PARP8: variants seen among roughly 807,000 people sequenced by gnomAD.
PARP8 encodes the protein protein mono-ADP-ribosyltransferase PARP8.
A neutral mutation model predicts 124.1 loss-of-function variants in PARP8; 51 were observed. That is an observed-to-expected ratio of 0.41 (90% confidence interval 0.33 to 0.52). The LOEUF (loss-of-function observed/expected upper bound fraction) is 0.52, where lower values mean the gene tolerates loss of function less well. PARP8 is among the 20% of genes least tolerant of loss of function. The pLI is 0.21. For synonymous variants in PARP8, 391 were observed against 361.5 expected, an observed-to-expected ratio of 1.08 and a Z score of -0.93; for missense variants, 860 against 1,018.9, an observed-to-expected ratio of 0.84 and a Z score of 2.12.
intron 2 of PARP8, among the ~76,000 whole-genome samples, chr5:50,672,378 C>G (rs1750131258): frequency 1.3e-5 from 2 of 152,138 alleles, no homozygotes; most frequent in Admixed American, 1.3e-4. Context: ...GAATGACTTA[C>G]AAAATGAATG....
chr5:50,754,116 CATATATATATATATATAT>C (rs373375463), intron 3 of PARP8, among the ~76,000 whole-genome samples: 19 of 64,724 alleles, frequency 2.9e-4, no homozygotes, highest in Middle Eastern at 6.8e-3. Flanking sequence ...TGAAAACATT[CATATATATATATATATAT>C]ATATATATAT....
In PARP8 at chr5:50,827,976, CCTT is replaced by C; in HGVS notation, c.2016_2018del (p.Leu673del). ...AGTTTATGCATACTCCACATCAGTT[CCTT>C]CTTCTCAGCAGTCCACCAGCCAAAG... On this transcript the variant is annotated inframe_deletion, in exon 20 of 26. Transcript: ENST00000281631. 1.9e-6 allele frequency: 3 copies of C among 1,613,636 alleles called. No individual in the cohort carries two copies. The highest frequency in any genetic ancestry group is 2.5e-6 in the Non-Finnish European group (3 of 1,179,646).
intron 7 of PARP8, among the ~76,000 whole-genome samples, chr5:50,766,816 A>G (rs1444491848): frequency 1.3e-5 from 2 of 152,200 alleles, no homozygotes; most frequent in Non-Finnish European, 2.9e-5. Flanking sequence ...AGGAACGTAT[A>G]TCACGTTACT....
chr5:50,797,070 A>C (rs1208622229), intron 13 of PARP8, 38 bp downstream of exon 13: 2 of 1,610,458 alleles, frequency 1.2e-6, no homozygotes, highest in African/African-American at 1.3e-5. Flanking sequence ...CAAATATTTT[A>C]GTTCTTACGG....
chr5:50,674,645 A>G (rs1383386619), intron 2 of PARP8, among the ~76,000 whole-genome samples: 5 of 152,260 alleles, frequency 3.3e-5, no homozygotes, highest in African/African-American at 1.2e-4. Context: ...CTATCCACTG[A>G]TACATGTTTC....
At chr5:50,752,981 T>C (rs1394906561) in intron 3 of PARP8, among the ~76,000 whole-genome samples, 3 of 152,066 alleles carry the variant, frequency 2.0e-5, no homozygotes, top group African/African-American at 7.2e-5. Flanking sequence ...AATGAAAATT[T>C]AGAGGGCCTT....
chr5:50,677,869 A>G (rs1416344190), intron 2 of PARP8, among the ~76,000 whole-genome samples: 6 of 152,046 alleles, frequency 3.9e-5, no homozygotes, highest in Non-Finnish European at 7.4e-5. Context: ...TTTCAAAGGT[A>G]TCTTTCTGAA....
chr5:50,792,160 A>G (rs1742033009), intron 10 of PARP8, among the ~76,000 whole-genome samples: 1 of 152,166 alleles, frequency 6.6e-6, no homozygotes, highest in Non-Finnish European at 1.5e-5. Context: ...ACCATCAGCC[A>G]ATCACTGGCA....
At chr5:50,792,438 A>G (rs1363981215) in intron 10 of PARP8, among the ~76,000 whole-genome samples, 1 of 151,888 alleles carries the variant, frequency 6.6e-6, no homozygotes, top group Non-Finnish European at 1.5e-5. Flanking sequence ...TTGAATCCTA[A>G]TGTAATATAT....
chr5:50,705,228 G>C (rs930325043), intron 2 of PARP8, among the ~76,000 whole-genome samples: 24 of 152,264 alleles, frequency 1.6e-4, no homozygotes, highest in African/African-American at 5.8e-4. Context: ...ACATGTTAAT[G>C]CTTTTTGGTC....
At chr5:50,675,449 C>T (rs1209830579) in intron 2 of PARP8, among the ~76,000 whole-genome samples, 1 of 152,136 alleles carries the variant, frequency 6.6e-6, no homozygotes, top group African/African-American at 2.4e-5. Context: ...GGATTACAGG[C>T]ACACACCACC....
intron 2 of PARP8, among the ~76,000 whole-genome samples, chr5:50,742,285 G>C (rs1758128460): frequency 1.3e-5 from 2 of 152,218 alleles, no homozygotes; most frequent in South Asian, 4.2e-4. Flanking sequence ...ATATCTTTGT[G>C]GCTAGTTTTT....
At chr5:50,725,064 T>C (rs1756281216) in intron 2 of PARP8, among the ~76,000 whole-genome samples, 2 of 55,134 alleles carry the variant, frequency 3.6e-5, no homozygotes, top group African/African-American at 1.5e-4. Context: ...AGTATTCCAT[T>C]GTGTGTGTAT....
At chr5:50,792,797 C>T (rs1410930777) in intron 10 of PARP8, among the ~76,000 whole-genome samples, 1 of 152,052 alleles carries the variant, frequency 6.6e-6, no homozygotes, top group African/African-American at 2.4e-5. Flanking sequence ...TCACCACTTC[C>T]ACTGCTAAAA....
intron 2 of PARP8, chr5:50,744,714 G>C: frequency 1.4e-6 from 1 of 694,986 alleles, no homozygotes; most frequent in Admixed American, 2.1e-5. Flanking sequence ...AATTCTGAAG[G>C]CTTTTTTTTT....
intron 2 of PARP8, among the ~76,000 whole-genome samples, chr5:50,735,956 TCCC>T (rs374675045): frequency 7.4e-6 from 1 of 134,398 alleles, no homozygotes; most frequent in Non-Finnish European, 1.6e-5. Context: ...TCTAGGGGAT[TCCC>T]CCCCCCCCTT....
chr5:50,810,131 G>A (rs564497913), intron 14 of PARP8, among the ~76,000 whole-genome samples: 41 of 151,938 alleles, frequency 2.7e-4, no homozygotes, highest in African/African-American at 9.4e-4. Context: ...CATTCCTCAT[G>A]CTTTTAAATC....
intron 25 of PARP8, among the ~76,000 whole-genome samples, chr5:50,835,472 G>A (rs1454070338): frequency 6.6e-6 from 1 of 152,150 alleles, no homozygotes; most frequent in African/African-American, 2.4e-5. Context: ...CCCAAGAGGT[G>A]GAGGTTGCAG....
chr5:50,771,171 T>G (rs553104326), intron 7 of PARP8, among the ~76,000 whole-genome samples: 2 of 151,296 alleles, frequency 1.3e-5, no homozygotes, highest in Non-Finnish European at 2.9e-5. Flanking sequence ...CATTTATTTA[T>G]TTTTTGAGAT....
Sources: gnomAD v4.1 joint callset for allele counts (sites outside exome capture counted in the v4.1 genomes callset) on GRCh38, gnomAD v4.1.1 for gene constraint, MANE v1.5 for transcripts, NCBI Gene and HGNC (gene_info 2026-07-23, HGNC 2026-07-21) for gene names.